The following TMTC4 variants were observed in gnomAD, a reference collection of about 807,000 sequenced individuals.
TMTC4 encodes the protein transmembrane O-mannosyltransferase targeting cadherins 4.
Under a neutral mutation model 86.0 loss-of-function variants are expected in TMTC4, and 65 were observed. The ratio of observed to expected loss-of-function variants is 0.76; its 90% CI spans 0.62 to 0.93. The LOEUF is 0.93. Among genes scored for constraint, TMTC4 ranks in the 40% least tolerant of loss-of-function variants. TMTC4 has a pLI of 0.00. For synonymous variants in TMTC4, 379 were observed against 382.5 expected (o/e 0.99, Z 0.11); for missense variants, 866 against 948.1 (o/e 0.91, Z 1.14).
intron 18 of TMTC4, 126 bp downstream of exon 18, chr13:100,606,230 CAG>C: frequency 1.3e-6 from 1 of 798,404 alleles, no homozygotes; most frequent in Admixed American, 2.6e-5. Flanking sequence ...AATGCAATAA[CAG>C]AACCACATTT....
At chr13:100,664,549 T>C (rs764857706) in intron 3 of TMTC4, among the ~76,000 whole-genome samples, 1 of 152,172 alleles carries the variant, frequency 6.6e-6, no homozygotes, top group Non-Finnish European at 1.5e-5. Context: ...ATAGCTGATA[T>C]GCTGAAGGGG....
At position 100,604,836 on chromosome 13, in the gene TMTC4, G is replaced by T; in HGVS notation, c.*158C>A. 1.5e-6 allele frequency: 1 copy of T among 679,228 alleles called. No individual in the cohort carries two copies. Among genetic ancestry groups the T allele is most frequent in the Non-Finnish European group, 2.2e-6 (1 of 452,588 alleles). The allele number at this position is 679,228 out of a possible 1,614,324, so 42.1% of individuals were successfully genotyped here. A position where few individuals can be genotyped will look rare whatever the true frequency, so the allele number is the denominator to read the frequency against. ...CATATCACGCATTCAAGAGTATATT[G>T]CTGGTGCTATAATCTTTTTGCATGT... On this transcript the variant is annotated 3_prime_UTR_variant, in exon 19 of 19. Coordinates refer to ENST00000342624, the MANE Select transcript of TMTC4 (RefSeq NM_032813.5).
intron 10 of TMTC4, 150 bp downstream of exon 10, chr13:100,636,382 G>C (rs1882205198): frequency 3.1e-6 from 3 of 959,602 alleles, no homozygotes; most frequent in Non-Finnish European, 4.6e-6. Context: ...ATTCCAAATG[G>C]ATGGAACTCA....
At chr13:100,612,984 T>TA (rs1184865402) in intron 16 of TMTC4, among the ~76,000 whole-genome samples, 1 of 152,210 alleles carries the variant, frequency 6.6e-6, no homozygotes, top group African/African-American at 2.4e-5. Flanking sequence ...TACTGACACA[T>TA]AACTGTACAT....
At chr13:100,640,704 AC>A (rs1437273026) in intron 7 of TMTC4, among the ~76,000 whole-genome samples, 2 of 151,662 alleles carry the variant, frequency 1.3e-5, no homozygotes, top group Admixed American at 1.3e-4. Flanking sequence ...CCTACACTAT[AC>A]CAGCTACTTG....
At chr13:100,660,924 G>T (rs1885704040) in intron 5 of TMTC4, among the ~76,000 whole-genome samples, 1 of 152,198 alleles carries the variant, frequency 6.6e-6, no homozygotes, top group African/African-American at 2.4e-5. Flanking sequence ...GAAGTGCTGT[G>T]ATTACGGGTG....
At chr13:100,612,599 C>T in intron 16 of TMTC4, 89 bp from the exon 17 acceptor site, 4 of 854,178 alleles carry the variant, frequency 4.7e-6, no homozygotes, top group Non-Finnish European at 7.6e-6. Flanking sequence ...TTTATGTGCA[C>T]AGCACATGAC....
chr13:100,674,640 G>A (rs1887610235), intron 1 of TMTC4, 104 bp downstream of exon 1: 2 of 982,596 alleles, frequency 2.0e-6, no homozygotes, highest in African/African-American at 1.8e-5. Flanking sequence ...GCCGCCGTGC[G>A]GGGCTCGGGA....
rs753322087 is a variant in TMTC4, at chr13:100,635,018, T to C, written c.1374+6A>G. On this transcript the variant is annotated splice_donor_region_variant and intron_variant, in intron 11 of 18. Transcript: ENST00000342624. ...TTCATCAGCTGGCACCACTCTCAGT[T>C]GATACCTTTTTCTTGGTATGTTTGC... is the stretch of plus-strand genomic sequence containing the variant. 6.2e-7 allele frequency: 1 copy of C among 1,611,104 alleles called. No homozygotes were observed. The highest frequency in any genetic ancestry group is 8.5e-7 in the Non-Finnish European group (1 of 1,178,088).
intron 3 of TMTC4, 61 bp from the exon 4 acceptor site, chr13:100,664,397 C>T: frequency 8.0e-7 from 1 of 1,245,926 alleles, no homozygotes; most frequent in Non-Finnish European, 1.1e-6. Flanking sequence ...AAGCCAAGCT[C>T]CTCCATCTCT....
At chr13:100,666,731 G>A (rs766119604) in intron 3 of TMTC4, among the ~76,000 whole-genome samples, 16 of 152,320 alleles carry the variant, frequency 1.1e-4, no homozygotes, top group African/African-American at 3.1e-4. Flanking sequence ...GGTGGCTTGC[G>A]CTTGCTATCC....
At chr13:100,671,758 A>G (rs796577660) in intron 1 of TMTC4, among the ~76,000 whole-genome samples, 57 of 151,934 alleles carry the variant, frequency 3.8e-4, no homozygotes, top group African/African-American at 1.3e-3. Flanking sequence ...TCCTTTCTCC[A>G]AGGCCTCCCA....
At chr13:100,606,142 T>C (rs972133304) in intron 18 of TMTC4, among the ~76,000 whole-genome samples, 2 of 152,206 alleles carry the variant, frequency 1.3e-5, no homozygotes, top group Non-Finnish European at 1.5e-5. Context: ...GAGAAGGTAA[T>C]AGAGTGGGCA....
intron 17 of TMTC4, among the ~76,000 whole-genome samples, chr13:100,607,824 C>T (rs1182116324): frequency 1.3e-5 from 2 of 152,088 alleles, no homozygotes; most frequent in Non-Finnish European, 2.9e-5. Context: ...TTAAGAAAGA[C>T]ATCAGGACAA....
Position 100,659,933 on chromosome 13 carries a change from G to A in TMTC4, c.552+3031C>T, listed in dbSNP as rs1885560783. Among the ~76,000 whole-genome samples the A allele has an allele frequency of 2.7e-5, 4 of 147,838 alleles. No homozygotes were observed. In the Admixed American group the frequency reaches 2.7e-4, roughly 10 times the overall value. On this transcript the variant is annotated intron_variant, in intron 5 of 18. Transcript: ENST00000342624. Reference sequence around the variant, plus strand: ...AGATGGCTGATCACCCTAGAAGACTGGAAAATTCAGGTGCTTATTTGCAGT... The same window carrying A: ...AGATGGCTGATCACCCTAGAAGACTAGAAAATTCAGGTGCTTATTTGCAGT...
At chr13:100,657,709 T>C (rs185166175) in intron 5 of TMTC4, among the ~76,000 whole-genome samples, 7 of 152,362 alleles carry the variant, frequency 4.6e-5, no homozygotes, top group Admixed American at 3.3e-4. Context: ...ATATATGAGC[T>C]GCAGAATAAA....
intron 17 of TMTC4, among the ~76,000 whole-genome samples, chr13:100,608,047 T>C (rs1043230181): frequency 3.3e-5 from 5 of 152,164 alleles, no homozygotes; most frequent in African/African-American, 4.8e-5. Context: ...ACTTGAGACA[T>C]AGGAAGGCCA....
At chr13:100,673,687 G>A (rs1415383879) in intron 1 of TMTC4, among the ~76,000 whole-genome samples, 1 of 152,178 alleles carries the variant, frequency 6.6e-6, no homozygotes, top group Non-Finnish European at 1.5e-5. Context: ...AGCGCACGAG[G>A]GCCATGGCTG....
intron 1 of TMTC4, among the ~76,000 whole-genome samples, chr13:100,671,437 C>T (rs867126566): frequency 6.6e-6 from 1 of 151,888 alleles, no homozygotes; most frequent in Non-Finnish European, 1.5e-5. Flanking sequence ...TTGCTTAGAA[C>T]ATAAACGTGT....
Sources: allele counts gnomAD v4.1 joint callset (sites outside exome capture counted in the v4.1 genomes callset), GRCh38; gene constraint gnomAD v4.1.1; transcripts MANE v1.5; gene names NCBI Gene and HGNC (gene_info 2026-07-23, HGNC 2026-07-21).